Variants in NINJ2 observed in about 807,000 individuals in gnomAD.
The protein encoded by NINJ2 is ninjurin-2.
Under a neutral mutation model 11.7 loss-of-function variants are expected in NINJ2, and 12 were observed. The observed-to-expected ratio is 1.02, with a 90% confidence interval of 0.66 to 1.66. The LOEUF (loss-of-function observed/expected upper bound fraction) is 1.66. Ranked by LOEUF, NINJ2 falls within the 40% of genes most tolerant of loss-of-function variation. The pLI is 0.00. For missense variants in NINJ2, 187 were observed against 181.8 expected (o/e 1.03, Z -0.16); for synonymous variants, 93 against 76.8 (o/e 1.21, Z -1.10).
At chr12:629,957 C>A (rs1236508348) in intron 1 of NINJ2, among the ~76,000 whole-genome samples, 1 of 122,582 alleles carries the variant, frequency 8.2e-6, no homozygotes, top group African/African-American at 3.0e-5. Flanking sequence ...AGTGTATCAG[C>A]CATTGTTAGT....
At chr12:608,920 T>C (rs76518828) in intron 1 of NINJ2, among the ~76,000 whole-genome samples, 8,255 of 152,344 alleles carry the variant, frequency 0.054, 275 homozygotes, top group South Asian at 0.13. Flanking sequence ...TGTTTTCTAA[T>C]GTGGAAAGTG....
intron 1 of NINJ2, among the ~76,000 whole-genome samples, chr12:652,963 AAAAG>A (rs1305187488): frequency 1.4e-4 from 21 of 151,286 alleles, no homozygotes; most frequent in African/African-American, 4.6e-4. Context: ...AAAAAAAAGA[AAAAG>A]AAAAAGAAAA....
chr12:609,176 ACG>A lies in NINJ2; in HGVS notation c.34-43000_34-42999del, dbSNP rs57796712. Among the ~76,000 whole-genome samples the A allele has an allele frequency of 5.0e-3, 654 of 129,672 alleles. 43 individuals are homozygous for A. The highest frequency in any genetic ancestry group is 7.5e-3 in the Non-Finnish European group (473 of 63,074). 85.1% of individuals were successfully genotyped at this position (129,672 alleles called of 152,430 possible). A position where few individuals can be genotyped will look rare whatever the true frequency, so the allele number is the denominator to read the frequency against. ...GGGCTGTACGCGCACGCACGGCGCC[ACG>A]CGCTAGGTGCTGAACGCACACGCAC... On this transcript the variant is annotated intron_variant, in intron 1 of 3. Coordinates refer to ENST00000305108, the MANE Select transcript of NINJ2 (RefSeq NM_016533.6).
chr12:611,259 TTC>T (rs1042743007), intron 1 of NINJ2, among the ~76,000 whole-genome samples: 27 of 35,006 alleles, frequency 7.7e-4, no homozygotes, highest in Admixed American at 3.3e-3. Flanking sequence ...CTCTCTCTCT[TTC>T]TTTCTTTCTT....
intron 1 of NINJ2, among the ~76,000 whole-genome samples, chr12:577,998 T>C (rs1455980378): frequency 6.6e-6 from 1 of 151,976 alleles, no homozygotes; most frequent in Non-Finnish European, 1.5e-5. Context: ...AAGGCAGAAA[T>C]GAAATCCACG....
chr12:622,240 T>A (rs1388520833), intron 1 of NINJ2, among the ~76,000 whole-genome samples: 2 of 150,456 alleles, frequency 1.3e-5, no homozygotes, highest in Non-Finnish European at 3.0e-5. Context: ...AAACCCCGTC[T>A]CTACTAAAAA....
At chr12:566,264 G>C in intron 1 of NINJ2, 86 bp from the exon 2 acceptor site, 1 of 1,125,458 alleles carries the variant, frequency 8.9e-7, no homozygotes, top group Non-Finnish European at 1.3e-6. Context: ...AGGTTTTAAA[G>C]CTCTTTCCAA....
rs1463190612 is a variant in NINJ2, at chr12:580,253, G to A, written c.34-14075C>T. Among the ~76,000 whole-genome samples, 3 of 152,122 alleles carry A rather than the reference G, an allele frequency of 2.0e-5. No homozygotes were observed. The highest frequency in any genetic ancestry group is 2.9e-5 in the Non-Finnish European group (2 of 68,012). On this transcript the variant is annotated intron_variant, in intron 1 of 3. Coordinates refer to ENST00000305108, the MANE Select transcript of NINJ2 (RefSeq NM_016533.6). This position sits in a 1 kb window ranked among gnomAD's most constrained non-coding sequence, Gnocchi z 4.7. ...AAAAGCTTCATGGGAACAAGGGGGC[G>A]CCTCACCTGGAGTGCTGAATGAATG... is the stretch of plus-strand genomic sequence containing the variant.
At chr12:636,394 AATAG>A (rs1169352681) in intron 1 of NINJ2, among the ~76,000 whole-genome samples, 2 of 11,808 alleles carry the variant, frequency 1.7e-4, no homozygotes, top group Non-Finnish European at 4.4e-4. Context: ...TAAATAAATA[AATAG>A]ATAAATAAAT....
chr12:648,218 C>T (rs1008348088), intron 1 of NINJ2, among the ~76,000 whole-genome samples: 2 of 152,136 alleles, frequency 1.3e-5, no homozygotes, highest in African/African-American at 4.8e-5. Context: ...GGACTATATG[C>T]ACCCGCCACC....
intron 1 of NINJ2, among the ~76,000 whole-genome samples, chr12:649,000 A>ATCTG (rs1565648652): frequency 2.0e-5 from 1 of 48,916 alleles, no homozygotes; most frequent in South Asian, 7.4e-4. Context: ...CTATCTGTCT[A>ATCTG]TCTATCTATC....
intron 1 of NINJ2, among the ~76,000 whole-genome samples, chr12:577,669 T>C (rs538514154): frequency 3.2e-4 from 48 of 151,904 alleles, no homozygotes; most frequent in Admixed American, 7.9e-4. Context: ...TCTCCATGTG[T>C]GCTCCTTGAA....
chr12:604,632 A>C (rs557543144), intron 1 of NINJ2, among the ~76,000 whole-genome samples: 1 of 152,226 alleles, frequency 6.6e-6, no homozygotes, highest in East Asian at 1.9e-4. Context: ...AGCGAGACTC[A>C]GTCCCAACAA....
chr12:575,149 C>T (rs1947436762), intron 1 of NINJ2, among the ~76,000 whole-genome samples: 1 of 152,222 alleles, frequency 6.6e-6, no homozygotes, highest in Non-Finnish European at 1.5e-5. Flanking sequence ...ATTGGGCAGC[C>T]TCTCTCCTCG....
At chr12:584,341 C>A (rs556822176) in intron 1 of NINJ2, among the ~76,000 whole-genome samples, 14 of 152,110 alleles carry the variant, frequency 9.2e-5, no homozygotes, top group African/African-American at 2.9e-4. Context: ...GAAGTTCCAG[C>A]CAGCCTGGGA....
intron 1 of NINJ2, among the ~76,000 whole-genome samples, chr12:567,390 G>A (rs1023938478): frequency 6.1e-5 from 8 of 132,226 alleles, no homozygotes; most frequent in African/African-American, 1.7e-4. Context: ...TTAAACACTC[G>A]TAATTTGTTT....
chr12:576,149 C>T (rs1250064880), intron 1 of NINJ2, among the ~76,000 whole-genome samples: 26 of 152,238 alleles, frequency 1.7e-4, no homozygotes, highest in Non-Finnish European at 8.8e-5. Flanking sequence ...GCCTCTGAGC[C>T]CTGGGCACAG....
At chr12:600,214 GA>G (rs913899898) in intron 1 of NINJ2, among the ~76,000 whole-genome samples, 35 of 152,106 alleles carry the variant, frequency 2.3e-4, no homozygotes, top group Non-Finnish European at 1.2e-4. Flanking sequence ...GCTATGAGGG[GA>G]AAAGGTGGTC....
In NINJ2 at chr12:565,288, C is replaced by T. The variant is rs778273368; in HGVS notation, c.376G>A (p.Gly126Arg). Residue 126 changes from glycine to arginine, a missense_variant, in exon 3 of 4, where the codon GGG becomes AGG. Physicochemically the swap from Gly to Arg is moderately radical, Grantham distance 125. Transcript: ENST00000305108. Reference protein sequence around the residue: ...VVINVFITAFGAHKTGFLAAR... With the variant: ...VVINVFITAFRAHKTGFLAAR... The stretch of plus-strand genomic sequence containing the variant: ...GCCAGGAACCCTGTTTTATGTGCCC[C>T]GAAGGCTGTAATGAAAACATTGATG... 16 of 1,614,032 alleles carry T rather than the reference C, an allele frequency of 9.9e-6. No homozygotes were observed. The highest frequency in any genetic ancestry group is 3.3e-5 in the South Asian group (3 of 91,084).
Sources: gnomAD v4.1 joint callset for allele counts (sites outside exome capture counted in the v4.1 genomes callset) on GRCh38, gnomAD v4.1.1 for gene constraint, Gnocchi (gnomAD v3.1) non-coding constraint, MANE v1.5 for transcripts, NCBI Gene and HGNC (gene_info 2026-07-23, HGNC 2026-07-21) for gene names.